The following AXDND1 variants were observed in gnomAD, a reference collection of about 807,000 sequenced individuals.
The protein encoded by AXDND1 is axonemal dynein light chain domain-containing protein 1.
A neutral mutation model predicts 137.5 loss-of-function variants in AXDND1; 110 were observed. The observed-to-expected ratio is 0.80, with a 90% CI of 0.69 to 0.94. AXDND1 has a LOEUF of 0.94. Among genes scored for constraint, AXDND1 ranks in the 40% least tolerant of loss-of-function variants. The probability of loss-of-function intolerance (pLI) is 0.00; values close to 1 mark genes in which losing one functional copy is unlikely to be tolerated. For synonymous variants in AXDND1, 414 were observed against 399.7 expected, an observed-to-expected ratio of 1.04 and a Z score of -0.43; for missense variants, 1,191 against 1,169.8, an observed-to-expected ratio of 1.02 and a Z score of -0.26.
At chr1:179,395,975 C>T (rs1256767348) in intron 11 of AXDND1, among the ~76,000 whole-genome samples, 1 of 151,672 alleles carries the variant, frequency 6.6e-6, no homozygotes, top group African/African-American at 2.4e-5. Context: ...TTGAGACTAG[C>T]CTGGCCAACA....
Position 179,509,340 on chromosome 1 carries a change from T to C in AXDND1, c.2433T>C (p.Ser811=). The C allele has an allele frequency of 6.2e-7, 1 of 1,613,102 alleles. No homozygotes were observed. Among genetic ancestry groups the C allele is most frequent in the Non-Finnish European group, 8.5e-7 (1 of 1,179,278 alleles). Reference sequence around the variant, plus strand: ...TCAACACATGCTCTTGCCTCCTTTCTAATATCAAAGGCAGAAAAATTACAT... The same window carrying C: ...TCAACACATGCTCTTGCCTCCTTTCCAATATCAAAGGCAGAAAAATTACAT... ...EWINTCSCLL[S]NIKGRKITLL... The change falls in exon 21 of 26, where the codon TCT becomes TCC. Residue 811 remains serine (S), a synonymous_variant. Coordinates refer to ENST00000367618, the MANE Select transcript of AXDND1 (RefSeq NM_144696.6).
chr1:179,394,271 G>T (rs1650667433), intron 10 of AXDND1, among the ~76,000 whole-genome samples: 1 of 152,126 alleles, frequency 6.6e-6, no homozygotes, highest in African/African-American at 2.4e-5. Context: ...TATTTGACAT[G>T]GAAAAGACTT....
intron 17 of AXDND1, among the ~76,000 whole-genome samples, chr1:179,475,812 C>T (rs1351211006): frequency 2.0e-5 from 3 of 152,116 alleles, no homozygotes; most frequent in South Asian, 4.1e-4. Context: ...GAATAATATG[C>T]TTTGGCTCTG....
At chr1:179,403,893 T>G (rs1652511068) in intron 11 of AXDND1, among the ~76,000 whole-genome samples, 1 of 152,106 alleles carries the variant, frequency 6.6e-6, no homozygotes, top group Admixed American at 6.6e-5. Context: ...GTGTTTTAAG[T>G]GGATATTTGA....
chr1:179,389,607 C>G (rs1370927265), intron 9 of AXDND1, among the ~76,000 whole-genome samples: 1 of 152,204 alleles, frequency 6.6e-6, no homozygotes, highest in East Asian at 1.9e-4. Context: ...GGGGACCATC[C>G]TGACCTTGGG....
intron 15 of AXDND1, among the ~76,000 whole-genome samples, chr1:179,439,551 A>G (rs570588264): frequency 5.3e-5 from 8 of 152,264 alleles, no homozygotes; most frequent in African/African-American, 1.9e-4. Flanking sequence ...GGGGATTGGG[A>G]ACATATGCCC....
At chr1:179,376,734 C>T (rs539961494) in intron 4 of AXDND1, among the ~76,000 whole-genome samples, 7 of 152,156 alleles carry the variant, frequency 4.6e-5, no homozygotes, top group East Asian at 1.9e-4. Flanking sequence ...CTTTGGTTTG[C>T]GAATCTTCCC....
intron 20 of AXDND1, among the ~76,000 whole-genome samples, chr1:179,503,573 C>CT (rs1668235962): frequency 6.6e-6 from 1 of 151,258 alleles, no homozygotes; most frequent in East Asian, 1.9e-4. Flanking sequence ...TGTTATTATA[C>CT]TTTAAGTTTT....
intron 17 of AXDND1, among the ~76,000 whole-genome samples, chr1:179,471,993 C>G (rs1056799646): frequency 5.3e-5 from 8 of 152,058 alleles, no homozygotes; most frequent in Admixed American, 5.2e-4. Flanking sequence ...CTCCCAGATT[C>G]AAGCAATTCT....
At chr1:179,418,836 C>T (rs1336674275) in intron 12 of AXDND1, among the ~76,000 whole-genome samples, 4 of 151,118 alleles carry the variant, frequency 2.6e-5, no homozygotes, top group South Asian at 2.1e-4. Context: ...GGCTGCCGGG[C>T]GGAGGGACTC....
Position 179,418,902 on chromosome 1 carries a change from G to A in AXDND1, c.1230+7636G>A, listed in dbSNP as rs536706130. Among the ~76,000 whole-genome samples, 83 of 151,352 alleles carry A rather than the reference G, an allele frequency of 5.5e-4. 1 individual carries two copies. The Middle Eastern group carries it at 0.021, about 39-fold the overall frequency. On this transcript the variant is annotated intron_variant, in intron 12 of 25. Coordinates refer to ENST00000367618, the MANE Select transcript of AXDND1 (RefSeq NM_144696.6). ...AGAGGGTCTCCTCACTTCTCAGACGGGGCGGCAGGGCAGAGACGCTCCTCA... is the reference window on the plus strand; with the variant it reads ...AGAGGGTCTCCTCACTTCTCAGACGAGGCGGCAGGGCAGAGACGCTCCTCA...
intron 16 of AXDND1, chr1:179,448,687 A>G: frequency 5.7e-6 from 1 of 176,358 alleles, no homozygotes; most frequent in Non-Finnish European, 1.2e-5. Context: ...GGACATCCTG[A>G]TAGTGTCCTT....
rs1666918735 is a variant in AXDND1 at position 179,491,717 on chromosome 1, A to T, written c.2271A>T (p.Gln757His). Residue 757 changes from glutamine to histidine, a missense_variant, in exon 19 of 26, where the codon CAA (glutamine) becomes CAT (histidine). By Grantham distance (24) the Gln-to-His change is conservative. Transcript: ENST00000367618. ...TTGAACTGACAAGGAAGTTGTACCA[A>T]TACTCCAGCTATTTGAGCAGGTGAA... Reference protein sequence around the residue: ...DAIELTRKLYQYSSYLSSCCK... With the variant: ...DAIELTRKLYHYSSYLSSCCK... 1 of 1,569,952 alleles carries T rather than the reference A, an allele frequency of 6.4e-7. No individual in the cohort carries two copies. Among genetic ancestry groups the T allele is most frequent in the Non-Finnish European group, 8.6e-7 (1 of 1,160,566 alleles).
chr1:179,514,026 A>T (rs1669286413), intron 21 of AXDND1, among the ~76,000 whole-genome samples: 1 of 151,246 alleles, frequency 6.6e-6, no homozygotes, highest in African/African-American at 2.4e-5. Context: ...TTTTTGTTTC[A>T]TTTATCTTTT....
At chr1:179,524,870 A>G (rs1468279652) in intron 21 of AXDND1, among the ~76,000 whole-genome samples, 1 of 152,204 alleles carries the variant, frequency 6.6e-6, no homozygotes, top group Non-Finnish European at 1.5e-5. Context: ...TCAGGATAAG[A>G]GCCAATCATC....
At chr1:179,437,447 T>C (rs924241173) in intron 15 of AXDND1, among the ~76,000 whole-genome samples, 12 of 152,156 alleles carry the variant, frequency 7.9e-5, no homozygotes, top group African/African-American at 2.9e-4. Flanking sequence ...AGCAAACCTT[T>C]TGGTGGCAGG....
At chr1:179,515,522 A>T (rs1669453951) in intron 21 of AXDND1, among the ~76,000 whole-genome samples, 1 of 152,120 alleles carries the variant, frequency 6.6e-6, no homozygotes, top group African/African-American at 2.4e-5. Context: ...CTTCGTCTTA[A>T]CTTTAGATAA....
At chr1:179,521,108 C>T (rs1279321107) in intron 21 of AXDND1, among the ~76,000 whole-genome samples, 3 of 151,884 alleles carry the variant, frequency 2.0e-5, no homozygotes, top group South Asian at 4.1e-4. Context: ...ATTATAGGTG[C>T]GTGGCACCAT....
intron 20 of AXDND1, among the ~76,000 whole-genome samples, chr1:179,494,080 T>C (rs774343240): frequency 2.0e-5 from 3 of 152,088 alleles, no homozygotes; most frequent in African/African-American, 4.8e-5. Context: ...GCCTCCTGAA[T>C]ACCTGGGACT....
Sources: allele counts gnomAD v4.1 joint callset (sites outside exome capture counted in the v4.1 genomes callset), GRCh38; gene constraint gnomAD v4.1.1; transcripts MANE v1.5; gene names NCBI Gene and HGNC (gene_info 2026-07-23, HGNC 2026-07-21).